MAGEC3: variants seen among roughly 807,000 people sequenced by gnomAD.
MAGEC3 encodes the protein melanoma-associated antigen C3.
MAGEC3 carries 34 observed loss-of-function variants against 35.3 expected under a neutral mutation model. The observed-to-expected ratio is 0.96, with a 90% CI of 0.73 to 1.28. The LOEUF is 1.28. MAGEC3 is among the 50% of genes most tolerant of loss of function. MAGEC3 has a pLI of 0.00. For missense variants in MAGEC3, 561 were observed against 483.6 expected (o/e 1.16, Z -1.50); for synonymous variants, 202 against 185.6 (o/e 1.09, Z -0.72).
In MAGEC3 at chrX:141,846,995, A is replaced by G. The variant is rs1444168373; in HGVS notation, c.123+8557A>G. On this transcript the variant is annotated intron_variant, in intron 1 of 7. Coordinates refer to ENST00000298296, the MANE Select transcript of MAGEC3 (RefSeq NM_138702.1). Reference sequence around the variant, plus strand: ...ATAGAATTAAGTACAATAAAATAAAAGCAATTACCCCAGTGCATTATTTAC... The same window carrying G: ...ATAGAATTAAGTACAATAAAATAAAGGCAATTACCCCAGTGCATTATTTAC... Among the ~76,000 whole-genome samples, 5 of 111,361 alleles carry G rather than the reference A, an allele frequency of 4.5e-5. No homozygotes were observed. In the East Asian group the frequency reaches 1.4e-3, roughly 31 times the overall value.
intron 4 of MAGEC3, among the ~76,000 whole-genome samples, chrX:141,889,105 C>T (rs2018022873): frequency 8.9e-6 from 1 of 111,884 alleles, no homozygotes; most frequent in Non-Finnish European, 1.9e-5. Flanking sequence ...TCATGGAATT[C>T]GCTGATCTTA....
chrX:141,862,870 A>G (rs1014782521), intron 1 of MAGEC3, among the ~76,000 whole-genome samples: 8 of 111,641 alleles, frequency 7.2e-5, no homozygotes, highest in Non-Finnish European at 1.1e-4. Flanking sequence ...AATAGTTTCT[A>G]ATGTTGACTG....
At chrX:141,882,521 G>A (rs1302526456) in intron 4 of MAGEC3, among the ~76,000 whole-genome samples, 2 of 112,139 alleles carry the variant, frequency 1.8e-5, no homozygotes, top group African/African-American at 6.5e-5. Context: ...GAACTCAGCA[G>A]TTAAATAGTG....
At chrX:141,847,984 G>A (rs1020783440) in intron 1 of MAGEC3, among the ~76,000 whole-genome samples, 2 of 110,706 alleles carry the variant, frequency 1.8e-5, no homozygotes, top group Non-Finnish European at 3.8e-5. Context: ...AAGAAATTAG[G>A]AGAGTGGATA....
At position 141,895,517 on chromosome X, in the gene MAGEC3, C is replaced by T. The variant is rs1463756246; in HGVS notation, c.1081C>T (p.Arg361Ter). 9 of 1,209,278 alleles carry T rather than the reference C, an allele frequency of 7.4e-6. No individual in the cohort carries two copies. In the South Asian group the frequency reaches 1.2e-4, roughly 17 times the overall value. Reference sequence around the variant, plus strand: ...AGGCCACAGACAGGAAGATGGCCGCCGAGGGCTGACCGAGGCGTCCCCACA... The same window carrying T: ...AGGCCACAGACAGGAAGATGGCCGCTGAGGGCTGACCGAGGCGTCCCCACA... Reference protein sequence around the residue: ...LAGHRQEDGRRGLTEASPQQK... With the variant: ...LAGHRQEDGR Residue 361 changes from arginine (R) to a stop codon, truncating the protein, a stop_gained, in exon 6 of 8, where the codon CGA (arginine) becomes TGA (stop). Coordinates refer to ENST00000298296, the MANE Select transcript of MAGEC3 (RefSeq NM_138702.1). LOFTEE classifies it high-confidence loss of function.
chrX:141,838,460 C>T, intron 1 of MAGEC3, 22 bp downstream of exon 1: 1 of 1,196,870 alleles, frequency 8.4e-7, no homozygotes, highest in Non-Finnish European at 1.1e-6. Context: ...CATGAATGCT[C>T]ATGTCTAAGC....
Position 141,897,159 on chromosome X carries a change from TCTC to T in MAGEC3, c.1405_1407del (p.Leu469del), listed in dbSNP as rs1278489303. ...AGGTGGCTGAGTTGGTGCAGTTTCT[TCTC>T]CTCAAATATCAAACAAAAGAGCCTG... On this transcript the variant is annotated inframe_deletion, in exon 7 of 8. Coordinates refer to ENST00000298296, the MANE Select transcript of MAGEC3 (RefSeq NM_138702.1). The T allele has an allele frequency of 2.5e-6, 3 of 1,211,549 alleles. No individual in the cohort carries two copies. The highest frequency in any genetic ancestry group is 3.5e-5 in the South Asian group (2 of 56,910).
intron 2 of MAGEC3, among the ~76,000 whole-genome samples, chrX:141,878,830 A>G (rs1295353022): frequency 8.9e-6 from 1 of 111,870 alleles, no homozygotes; most frequent in East Asian, 2.8e-4. Context: ...CTTGATCTGA[A>G]GAACATAGTC....
intron 1 of MAGEC3, among the ~76,000 whole-genome samples, chrX:141,864,784 A>T (rs943736231): frequency 4.5e-5 from 5 of 111,610 alleles, no homozygotes; most frequent in African/African-American, 9.8e-5. Context: ...AAATAAATTT[A>T]AAAAAAAGAA....
At chrX:141,848,584 C>A (rs2017731832) in intron 1 of MAGEC3, among the ~76,000 whole-genome samples, 1 of 110,796 alleles carries the variant, frequency 9.0e-6, no homozygotes, top group Non-Finnish European at 1.9e-5. Context: ...GGTGAAAGAT[C>A]TCTACAAGGA....
intron 4 of MAGEC3, chrX:141,894,834 C>A: frequency 1.1e-6 from 1 of 884,407 alleles, no homozygotes; most frequent in Non-Finnish European, 1.4e-6. Context: ...GAGAGGTGGG[C>A]GAAGGGCAGG....
chrX:141,864,316 C>CAAA (rs3972654), intron 1 of MAGEC3, among the ~76,000 whole-genome samples: 1,496 of 32,245 alleles, frequency 0.046, 93 homozygotes, highest in African/African-American at 0.11. Context: ...CTCATCTCTA[C>CAAA]AAAAAAAAAA....
intron 4 of MAGEC3, chrX:141,894,674 C>T: frequency 1.0e-6 from 1 of 969,865 alleles, no homozygotes; most frequent in Non-Finnish European, 1.3e-6. Flanking sequence ...GAGAAAGGAG[C>T]CCCGGGGCTG....
At position 141,881,409 on chromosome X, in the gene MAGEC3, A is replaced by G; in HGVS notation, c.522A>G (p.Pro174=). The G allele has an allele frequency of 8.4e-7, 1 of 1,195,809 alleles. No individual in the cohort carries two copies. Among genetic ancestry groups the G allele is most frequent in the Non-Finnish European group, 1.1e-6 (1 of 888,659 alleles). Residue 174 remains proline, a synonymous_variant, in exon 4 of 8, where the codon CCA becomes CCG. Coordinates refer to ENST00000298296, the MANE Select transcript of MAGEC3 (RefSeq NM_138702.1). ...ATACAAGTACCTGGCACAGCTTGCC[A>G]GAGAGCGAGCCCTTGTTCACTTATA... ...RLWGEKAGSL[P]ESEPLFTYTL... is the part of the protein sequence containing the mutation.
At chrX:141,866,425 T>G (rs1473621353) in intron 2 of MAGEC3, among the ~76,000 whole-genome samples, 1 of 112,257 alleles carries the variant, frequency 8.9e-6, no homozygotes, top group Non-Finnish European at 1.9e-5. Flanking sequence ...TACACACATT[T>G]AATTGTCAAA....
chrX:141,871,965 G>GA (rs2017891055), intron 2 of MAGEC3, among the ~76,000 whole-genome samples: 1 of 109,924 alleles, frequency 9.1e-6, no homozygotes. Flanking sequence ...TGAGAATACA[G>GA]AAGGGGTTCA....
At chrX:141,878,987 A>G (rs759761320) in intron 2 of MAGEC3, among the ~76,000 whole-genome samples, 188 bp from the exon 3 acceptor site, 1 of 111,955 alleles carries the variant, frequency 8.9e-6, no homozygotes, top group Non-Finnish European at 1.9e-5. Flanking sequence ...GGTGGATGTG[A>G]TTCTCCCTCT....
At chrX:141,853,321 A>G (rs761912408) in intron 1 of MAGEC3, among the ~76,000 whole-genome samples, 1 of 111,401 alleles carries the variant, frequency 9.0e-6, no homozygotes, top group South Asian at 3.7e-4. Context: ...AAAATTATGT[A>G]TTCCCTTTGA....
At chrX:141,879,511 T>C in intron 3 of MAGEC3, 80 bp downstream of exon 3, 4 of 996,167 alleles carry the variant, frequency 4.0e-6, no homozygotes, top group Non-Finnish European at 5.2e-6. Flanking sequence ...CAGGAAGGGG[T>C]GGAAAGGGTC....
Sources: gnomAD v4.1 joint callset for allele counts (sites outside exome capture counted in the v4.1 genomes callset) on GRCh38, gnomAD v4.1.1 for gene constraint, MANE v1.5 for transcripts, NCBI Gene and HGNC (gene_info 2026-07-23, HGNC 2026-07-21) for gene names.